INPP4B: variants seen among roughly 807,000 people sequenced by gnomAD.
INPP4B encodes inositol polyphosphate 4-phosphatase type II.
INPP4B carries 55 observed loss-of-function variants against 122.5 expected under a neutral mutation model. The ratio of observed to expected loss-of-function variants is 0.45; its 90% CI spans 0.36 to 0.56. The LOEUF (loss-of-function observed/expected upper bound fraction) is 0.56. INPP4B is among the 20% of genes least tolerant of loss of function. The pLI, the probability that INPP4B is intolerant of heterozygous loss-of-function variation, is 0.00. For synonymous variants in INPP4B, 403 were observed against 388.7 expected (o/e 1.04, Z -0.43); for missense variants, 1,000 against 1,097.7 (o/e 0.91, Z 1.26).
At chr4:142,108,219 G>A (rs767208069) in intron 22 of INPP4B, 29 bp from the exon 23 acceptor site, 1 of 1,255,998 alleles carries the variant, frequency 8.0e-7, no homozygotes, top group East Asian at 2.3e-5. Context: ...AAACAGCTGT[G>A]GGTTATAAAA....
chr4:142,499,501 C>A (rs1314513761), intron 2 of INPP4B, among the ~76,000 whole-genome samples: 1 of 152,082 alleles, frequency 6.6e-6, no homozygotes, highest in Admixed American at 6.6e-5. Flanking sequence ...TGGACAGACT[C>A]ATTGAGGCGA....
At chr4:142,166,770 A>G (rs76104927) in intron 16 of INPP4B, among the ~76,000 whole-genome samples, 3 of 151,908 alleles carry the variant, frequency 2.0e-5, no homozygotes, top group African/African-American at 7.2e-5. Context: ...TTATGTGGCC[A>G]ATAAACAGAT....
chr4:142,420,179 A>G (rs1184258405), intron 5 of INPP4B, among the ~76,000 whole-genome samples: 1 of 152,148 alleles, frequency 6.6e-6, no homozygotes, highest in Non-Finnish European at 1.5e-5. Context: ...TGAATAATCA[A>G]TTTAAGCCTG....
chr4:142,240,441 A>G (rs192009236), intron 11 of INPP4B, among the ~76,000 whole-genome samples: 6 of 152,300 alleles, frequency 3.9e-5, no homozygotes, highest in Non-Finnish European at 7.4e-5. Flanking sequence ...AATGAACACC[A>G]GAACTCTCCT....
At chr4:142,375,174 C>G (rs533420064) in intron 7 of INPP4B, among the ~76,000 whole-genome samples, 1 of 151,720 alleles carries the variant, frequency 6.6e-6, no homozygotes, top group South Asian at 2.1e-4. Context: ...TTTTCATCTT[C>G]CTTGACAGCT....
intron 15 of INPP4B, among the ~76,000 whole-genome samples, chr4:142,190,305 A>C: frequency 6.6e-6 from 1 of 151,922 alleles, no homozygotes; most frequent in South Asian, 2.1e-4. Context: ...GTCACTGTTT[A>C]CTTTAACCTA....
intron 2 of INPP4B, among the ~76,000 whole-genome samples, chr4:142,687,156 G>A (rs1480010589): frequency 6.6e-6 from 1 of 151,986 alleles, no homozygotes; most frequent in Non-Finnish European, 1.5e-5. Flanking sequence ...AAACAAAAGA[G>A]CATATGAATT....
At chr4:142,037,832 G>C in intron 25 of INPP4B, among the ~76,000 whole-genome samples, 1 of 152,260 alleles carries the variant, frequency 6.6e-6, no homozygotes, top group East Asian at 1.9e-4. Context: ...GTATCAATAA[G>C]AGCTGTGAGT....
chr4:142,485,422 G>A (rs1000615921), intron 2 of INPP4B, among the ~76,000 whole-genome samples: 1 of 151,990 alleles, frequency 6.6e-6, no homozygotes, highest in Non-Finnish European at 1.5e-5. Flanking sequence ...ATTTATGTCA[G>A]CATTACATAG....
At chr4:142,762,116 CT>C (rs1771431222) in intron 1 of INPP4B, among the ~76,000 whole-genome samples, 1 of 152,112 alleles carries the variant, frequency 6.6e-6, no homozygotes, top group Non-Finnish European at 1.5e-5. Context: ...ACACACCAGG[CT>C]TTTTCTCGTT....
intron 2 of INPP4B, among the ~76,000 whole-genome samples, chr4:142,525,176 T>C (rs1378939678): frequency 6.6e-6 from 1 of 151,760 alleles, no homozygotes; most frequent in Non-Finnish European, 1.5e-5. Context: ...GAATCCAACT[T>C]ACAAGGGATG....
chr4:142,637,037 T>A (rs966648295), intron 2 of INPP4B, among the ~76,000 whole-genome samples: 3 of 152,178 alleles, frequency 2.0e-5, no homozygotes, highest in Non-Finnish European at 4.4e-5. Context: ...ATCAATAAAC[T>A]TTATTTTTTA....
intron 2 of INPP4B, among the ~76,000 whole-genome samples, chr4:142,669,013 G>A (rs1030556293): frequency 3.9e-5 from 6 of 152,010 alleles, no homozygotes; most frequent in African/African-American, 9.7e-5. Context: ...CGGAGATTGC[G>A]CCACTGTGCT....
chr4:142,256,326 C>A (rs1471916849), intron 11 of INPP4B, among the ~76,000 whole-genome samples: 1 of 151,396 alleles, frequency 6.6e-6, no homozygotes, highest in Non-Finnish European at 1.5e-5. Context: ...CATTCAAAAG[C>A]TAGCAGAAGG....
chr4:142,596,932 C>T (rs1738839485), intron 2 of INPP4B, among the ~76,000 whole-genome samples: 1 of 152,220 alleles, frequency 6.6e-6, no homozygotes, highest in East Asian at 1.9e-4. Context: ...TTTTGACCTC[C>T]AAAGTTACTG....
intron 17 of INPP4B, among the ~76,000 whole-genome samples, chr4:142,151,765 T>C (rs1814054219): frequency 6.6e-6 from 1 of 152,210 alleles, no homozygotes; most frequent in South Asian, 2.1e-4. Context: ...TTATGTCTCA[T>C]TAGTCTTCAA....
chr4:142,305,317 A>C, intron 9 of INPP4B, 141 bp downstream of exon 9: 1 of 625,128 alleles, frequency 1.6e-6, no homozygotes, highest in Non-Finnish European at 2.8e-6. Flanking sequence ...TTTCACTATA[A>C]CTTGCTGCAG....
chr4:142,785,616 A>G (rs1242390777), intron 1 of INPP4B, among the ~76,000 whole-genome samples: 1 of 152,076 alleles, frequency 6.6e-6, no homozygotes, highest in Non-Finnish European at 1.5e-5. Flanking sequence ...TAATAATAGC[A>G]ACTTCCAAAA....
chr4:142,740,553 G>T (rs1238939692), intron 1 of INPP4B, among the ~76,000 whole-genome samples: 3 of 151,940 alleles, frequency 2.0e-5, no homozygotes, highest in Non-Finnish European at 4.4e-5. Flanking sequence ...GTACATTGGT[G>T]GTGTTTACTA....
Sources: gnomAD v4.1 joint callset for allele counts (sites outside exome capture counted in the v4.1 genomes callset) on GRCh38, gnomAD v4.1.1 for gene constraint, MANE v1.5 for transcripts, NCBI Gene and HGNC (gene_info 2026-07-23, HGNC 2026-07-21) for gene names.